Variants in ZFHX3 observed in about 807,000 individuals in gnomAD.
ZFHX3 encodes zinc finger homeobox 3, also known as zinc finger homeobox protein 3.
ZFHX3 carries 42 observed loss-of-function variants against 279.1 expected under a neutral mutation model. The observed-to-expected ratio is 0.15, with a 90% CI of 0.12 to 0.19. The LOEUF (loss-of-function observed/expected upper bound fraction) is 0.19. Ranked by LOEUF, ZFHX3 falls within the 10% of genes least tolerant of loss-of-function variation. The pLI is 1.00. For missense variants in ZFHX3, 4,981 were observed against 4,754.0 expected (o/e 1.05, Z -1.40); for synonymous variants, 2,293 against 1,957.8 (o/e 1.17, Z -4.52).
intron 7 of ZFHX3, among the ~76,000 whole-genome samples, chr16:73,116,866 A>G (rs1208785137): frequency 6.6e-6 from 1 of 152,200 alleles, no homozygotes; most frequent in African/African-American, 2.4e-5. Flanking sequence ...TGAGATGAGA[A>G]CACAGAAAAA....
intron 5 of ZFHX3, among the ~76,000 whole-genome samples, chr16:73,164,850 G>T (rs564646923): frequency 8.5e-5 from 13 of 152,142 alleles, no homozygotes; most frequent in Non-Finnish European, 1.5e-4. Context: ...GTACTATTAT[G>T]TACCTATTAC....
chr16:73,820,846 A>G (rs11150115), intron 1 of ZFHX3, among the ~76,000 whole-genome samples: 37,296 of 151,448 alleles, frequency 0.25, 5,758 homozygotes, highest in East Asian at 0.73. Context: ...GGAAATCTCA[A>G]TAACCTGGTA....
At chr16:73,436,503 A>T (rs1206147628) in intron 3 of ZFHX3, among the ~76,000 whole-genome samples, 1 of 152,184 alleles carries the variant, frequency 6.6e-6, no homozygotes, top group Non-Finnish European at 1.5e-5. Flanking sequence ...CCAGGAGAAC[A>T]GTATGGGAGA....
chr16:73,630,072 G>T (rs1299220020), intron 2 of ZFHX3, among the ~76,000 whole-genome samples: 1 of 151,706 alleles, frequency 6.6e-6, no homozygotes, highest in Non-Finnish European at 1.5e-5. Flanking sequence ...CTCTCTAATT[G>T]GTCTAGACAG....
intron 1 of ZFHX3, among the ~76,000 whole-genome samples, chr16:73,836,715 T>C (rs1033512062): frequency 6.6e-6 from 1 of 152,260 alleles, no homozygotes; most frequent in African/African-American, 2.4e-5. Context: ...GTGGTTTGGA[T>C]GTGGTTTGTC....
intron 1 of ZFHX3, among the ~76,000 whole-genome samples, chr16:72,978,144 C>G (rs143306021): frequency 6.6e-6 from 1 of 152,326 alleles, no homozygotes; most frequent in South Asian, 2.1e-4. Context: ...GGATTACAGG[C>G]GTGAGCCACC....
chr16:72,958,237 C>T lies in ZFHX3; in HGVS notation c.1909G>A (p.Gly637Arg), dbSNP rs765096970. The T allele has an allele frequency of 1.2e-6, 2 of 1,612,718 alleles. No homozygotes were observed. The highest frequency in any genetic ancestry group is 3.3e-5 in the Admixed American group (2 of 59,986). ...CATTTGGGGCACTCCACGCCACTCC[C>T]CGAGGGGCACTCCCCAACCCCAAGC... is the stretch of plus-strand genomic sequence containing the variant. ...CELGVGECPS[G>R]SGVECPKCDT... is the part of the protein sequence containing the mutation. Residue 637 changes from glycine (G) to arginine (R), a missense_variant, in exon 2 of 10, where the codon GGG becomes AGG. Around this residue, in one of 7 missense-constraint regions of ZFHX3, gnomAD observed 1,068 missense variants for 935.2 expected, o/e 1.14. Transcript: ENST00000268489.
Position 73,764,923 on chromosome 16 carries a change from G to C in ZFHX3, c.-1607-84683C>G, listed in dbSNP as rs536777890. Reference sequence around the variant, plus strand: ...TAAATCTTCTGTTTTGTGTCCTCTAGAAGTCAATGCCTCACCAGTTCAGGA... The same window carrying C: ...TAAATCTTCTGTTTTGTGTCCTCTACAAGTCAATGCCTCACCAGTTCAGGA... On this transcript the variant is annotated intron_variant, in intron 1 of 17. Coordinates refer to the ZFHX3 transcript ENST00000641206. Among the ~76,000 whole-genome samples the C allele has an allele frequency of 6.6e-5, 10 of 152,254 alleles. No homozygotes were observed. In the East Asian group the frequency reaches 1.9e-3, roughly 29 times the overall value.
intron 2 of ZFHX3, among the ~76,000 whole-genome samples, chr16:73,646,543 A>G (rs1330067568): frequency 6.6e-6 from 1 of 152,164 alleles, no homozygotes; most frequent in Non-Finnish European, 1.5e-5. Flanking sequence ...AGATGAAAAG[A>G]TCTGTAAGAT....
rs2017856619 is a variant in ZFHX3 at position 73,428,693 on chromosome 16, TA to T, written c.-1291+27309del. Among the ~76,000 whole-genome samples, 4 of 152,118 alleles carry T rather than the reference TA, an allele frequency of 2.6e-5. No homozygotes were observed. The South Asian group carries it at 8.3e-4, about 32-fold the overall frequency. ...ATAAATTAATAGACAGACAGAGAGA[TA>T]GAATAAATATGGATCACTACAAGTC... On this transcript the variant is annotated intron_variant, in intron 3 of 17. Coordinates refer to the ZFHX3 transcript ENST00000641206.
chr16:73,882,865 C>A (rs1281868009), intron 1 of ZFHX3, among the ~76,000 whole-genome samples: 2 of 152,000 alleles, frequency 1.3e-5, no homozygotes, highest in East Asian at 1.9e-4. Context: ...TAATGGGAAT[C>A]ATGAAGCCAA....
chr16:73,686,428 T>C (rs1191314855), intron 1 of ZFHX3, among the ~76,000 whole-genome samples: 1 of 152,186 alleles, frequency 6.6e-6, no homozygotes, highest in East Asian at 1.9e-4. Context: ...GCTTTTCTTT[T>C]TCCTGAAGTA....
At chr16:73,603,528 G>A (rs895489030) in intron 2 of ZFHX3, among the ~76,000 whole-genome samples, 5 of 152,146 alleles carry the variant, frequency 3.3e-5, no homozygotes, top group African/African-American at 1.2e-4. Flanking sequence ...TAATAAGAAT[G>A]TAAGTTGACA....
intron 2 of ZFHX3, among the ~76,000 whole-genome samples, chr16:73,514,026 A>G (rs541344540): frequency 6.6e-6 from 1 of 152,298 alleles, no homozygotes; most frequent in East Asian, 1.9e-4. Context: ...AGGCAGTCAG[A>G]TCCCAATGTG....
chr16:73,064,664 G>A (rs1965724161), upstream of ZFHX3, among the ~76,000 whole-genome samples: 1 of 152,128 alleles, frequency 6.6e-6, no homozygotes, highest in South Asian at 2.1e-4. Flanking sequence ...AACTTGGAGC[G>A]CCCGGATCCT....
chr16:73,367,779 C>T (rs144871991), intron 3 of ZFHX3, among the ~76,000 whole-genome samples: 5 of 152,014 alleles, frequency 3.3e-5, no homozygotes, highest in South Asian at 2.1e-4. Context: ...ATGAGAACTC[C>T]GTGAGTGAAT....
chr16:72,888,573 C>T lies in ZFHX3; in HGVS notation c.3448+1158G>A, dbSNP rs140765505. Among the ~76,000 whole-genome samples, 19 of 152,318 alleles carry T rather than the reference C, an allele frequency of 1.2e-4. No individual in the cohort carries two copies. In the East Asian group the frequency reaches 3.5e-3, roughly 28 times the overall value. On this transcript the variant is annotated intron_variant, in intron 4 of 9. Transcript: ENST00000268489. ...CCAGGGACATGGGGCAGGCTGAGAA[C>T]CACCAGCCAGAGTCAGGCTTGCAGA...
In ZFHX3 at chr16:72,796,943, C is replaced by T; in HGVS notation, c.5739G>A (p.Leu1913=). The change falls in exon 9 of 10, where the codon TTG becomes TTA. Residue 1913 remains leucine, a synonymous_variant. Transcript: ENST00000268489. ...CCAACTCTTTCTTCTCTTTGGCCTT[C>T]AAGGCATCTGGCAGTGTTTCCTTCG... is the stretch of plus-strand genomic sequence containing the variant. ...TGPKETLPDA[L]KAKEKKELAP... is the part of the protein sequence containing the mutation. 1 of 1,614,034 alleles carries T rather than the reference C, an allele frequency of 6.2e-7. No homozygotes were observed. The highest frequency in any genetic ancestry group is 8.5e-7 in the Non-Finnish European group (1 of 1,180,010).
At chr16:73,682,926 G>A (rs12923997) in intron 1 of ZFHX3, among the ~76,000 whole-genome samples, 472 of 25,050 alleles carry the variant, frequency 0.019, 33 homozygotes, top group African/African-American at 0.034. Context: ...GAGAGAAAGA[G>A]AAAGAAAGAA....
Sources: gnomAD v4.1 joint callset for allele counts (sites outside exome capture counted in the v4.1 genomes callset) on GRCh38, gnomAD v4.1.1 for gene constraint, gnomAD v4.1.1 regional missense constraint, MANE v1.5 for transcripts, NCBI Gene and HGNC (gene_info 2026-07-23, HGNC 2026-07-21) for gene names.